The following MTHFD1L variants were observed in gnomAD, a reference collection of about 807,000 sequenced individuals.
MTHFD1L encodes the protein monofunctional C1-tetrahydrofolate synthase, mitochondrial.
A neutral mutation model predicts 119.5 loss-of-function variants in MTHFD1L; 81 were observed. The observed-to-expected ratio is 0.68, with a 90% CI of 0.57 to 0.82. MTHFD1L has a LOEUF of 0.82. MTHFD1L is among the 40% of genes least tolerant of loss of function. The pLI is 0.00. For missense variants in MTHFD1L, 1,125 were observed against 1,253.4 expected (o/e 0.90, Z 1.55); for synonymous variants, 430 against 475.2 (o/e 0.90, Z 1.24).
At chr6:150,870,690 A>G (rs1779261822) in intron 1 of MTHFD1L, among the ~76,000 whole-genome samples, 1 of 152,060 alleles carries the variant, frequency 6.6e-6, no homozygotes, top group Non-Finnish European at 1.5e-5. Context: ...AAGTGGGTGG[A>G]TCACGAGGTC....
chr6:150,944,741 C>T (rs886119962), intron 14 of MTHFD1L, 148 bp downstream of exon 14: 4 of 643,748 alleles, frequency 6.2e-6, no homozygotes, highest in Non-Finnish European at 1.1e-5. Flanking sequence ...TCCCTGTTTC[C>T]CAAGGAGAAG....
At chr6:151,060,355 A>AAT (rs1790471125) in intron 26 of MTHFD1L, among the ~76,000 whole-genome samples, 1 of 152,212 alleles carries the variant, frequency 6.6e-6, no homozygotes, top group African/African-American at 2.4e-5. Context: ...TCACTCATTT[A>AAT]ATATTTATTG....
intron 26 of MTHFD1L, among the ~76,000 whole-genome samples, chr6:151,059,878 G>A (rs1790425648): frequency 6.6e-6 from 1 of 152,200 alleles, no homozygotes; most frequent in Admixed American, 6.5e-5. Flanking sequence ...GCGAGTTGAT[G>A]CTTTCAGTGG....
intron 20 of MTHFD1L, among the ~76,000 whole-genome samples, chr6:150,988,572 G>A (rs758490881): frequency 6.9e-6 from 1 of 145,750 alleles, no homozygotes; most frequent in Non-Finnish European, 1.5e-5. Context: ...TTTGTGGGGT[G>A]TAGAAAAACA....
intron 26 of MTHFD1L, among the ~76,000 whole-genome samples, chr6:151,059,477 A>G (rs768022058): frequency 6.6e-6 from 1 of 152,182 alleles, no homozygotes; most frequent in Non-Finnish European, 1.5e-5. Context: ...GCACCTGGCC[A>G]TGATTGTTGT....
intron 19 of MTHFD1L, among the ~76,000 whole-genome samples, chr6:150,968,923 A>C (rs550923398): frequency 1.0e-4 from 14 of 139,634 alleles, no homozygotes; most frequent in African/African-American, 3.3e-4. Context: ...ATCTTGGCTC[A>C]CTGCAACCTC....
Position 150,936,903 on chromosome 6 carries a change from G to A in MTHFD1L, c.1356G>A (p.Leu452=). The part of the protein sequence containing the change: ...AHLNVNSFAC[L]RQPSQGPTFG... ...TGAATGTCAACTCCTTTGCCTGCTT[G>A]AGGCAGCCTTCCCAAGGACCGACGT... Residue 452 remains leucine (L), a synonymous_variant, in exon 12 of 28, where the codon TTG becomes TTA. Coordinates refer to ENST00000367321, the MANE Select transcript of MTHFD1L (RefSeq NM_015440.5). 6.2e-7 allele frequency: 1 copy of A among 1,614,140 alleles called. No individual in the cohort carries two copies. Among genetic ancestry groups the A allele is most frequent in the Non-Finnish European group, 8.5e-7 (1 of 1,180,026 alleles).
chr6:150,991,504 A>G (rs933316767), intron 20 of MTHFD1L, among the ~76,000 whole-genome samples: 53 of 152,366 alleles, frequency 3.5e-4, no homozygotes, highest in African/African-American at 1.3e-3. Flanking sequence ...TTCACTTCAC[A>G]CTTTGTGATT....
At chr6:150,948,259 C>T (rs540279021) in intron 15 of MTHFD1L, among the ~76,000 whole-genome samples, 43 of 151,732 alleles carry the variant, frequency 2.8e-4, no homozygotes, top group African/African-American at 4.8e-4. Context: ...TGCCCACCTC[C>T]GCCTCCCAAA....
intron 18 of MTHFD1L, among the ~76,000 whole-genome samples, chr6:150,962,068 C>T (rs1583821225): frequency 1.3e-5 from 2 of 152,274 alleles, no homozygotes; most frequent in South Asian, 2.1e-4. Context: ...TGGCTCACTG[C>T]AACCTCTGCC....
chr6:151,022,136 A>C, intron 24 of MTHFD1L: 1 of 462,812 alleles, frequency 2.2e-6, no homozygotes, highest in Non-Finnish European at 4.5e-6. Context: ...TCACGCTCTC[A>C]CTGCCCAGAT....
chr6:151,010,172 C>CT (rs898095176), intron 21 of MTHFD1L, among the ~76,000 whole-genome samples: 2 of 152,018 alleles, frequency 1.3e-5, no homozygotes, highest in African/African-American at 4.8e-5. Context: ...CCATAGGGCA[C>CT]TTTGAGTTTA....
At chr6:150,952,300 A>G (rs1450066218) in intron 16 of MTHFD1L, among the ~76,000 whole-genome samples, 2 of 152,242 alleles carry the variant, frequency 1.3e-5, no homozygotes, top group Non-Finnish European at 2.9e-5. Context: ...AATAACAGAA[A>G]TAGGACTCTT....
At chr6:151,042,963 C>T (rs548438825) in intron 26 of MTHFD1L, among the ~76,000 whole-genome samples, 137 of 152,328 alleles carry the variant, frequency 9.0e-4, no homozygotes, top group African/African-American at 3.1e-3. Context: ...AGAACACACA[C>T]GCAGCCTGTG....
chr6:151,009,713 A>G (rs1346983179), intron 20 of MTHFD1L, 106 bp from the exon 21 acceptor site: 5 of 1,276,626 alleles, frequency 3.9e-6, no homozygotes, highest in Non-Finnish European at 5.6e-6. Flanking sequence ...GTTGGTAAAC[A>G]AAAGGAATGT....
At chr6:151,032,872 G>GT (rs961298585) in intron 24 of MTHFD1L, among the ~76,000 whole-genome samples, 1 of 152,154 alleles carries the variant, frequency 6.6e-6, no homozygotes, top group African/African-American at 2.4e-5. Flanking sequence ...TGAAAAACAC[G>GT]TTTTAAAGCA....
At chr6:150,883,610 T>C (rs1031337608) in intron 5 of MTHFD1L, among the ~76,000 whole-genome samples, 7 of 152,172 alleles carry the variant, frequency 4.6e-5, no homozygotes, top group Non-Finnish European at 1.0e-4. Flanking sequence ...TAAATACTTT[T>C]CTTAATGACA....
intron 20 of MTHFD1L, among the ~76,000 whole-genome samples, chr6:150,984,670 A>C (rs1778015649): frequency 6.6e-6 from 1 of 152,172 alleles, no homozygotes; most frequent in African/African-American, 2.4e-5. Context: ...GAACTTACAC[A>C]TATTCTTCTG....
chr6:151,046,441 AAT>A (rs375143403), intron 26 of MTHFD1L, among the ~76,000 whole-genome samples: 76 of 134,236 alleles, frequency 5.7e-4, no homozygotes, highest in African/African-American at 1.1e-3. Flanking sequence ...TACAACTGGT[AAT>A]ATATATATAT....
Sources: gnomAD v4.1 joint callset for allele counts (sites outside exome capture counted in the v4.1 genomes callset) on GRCh38, gnomAD v4.1.1 for gene constraint, MANE v1.5 for transcripts, NCBI Gene and HGNC (gene_info 2026-07-23, HGNC 2026-07-21) for gene names.